The following TULP4 variants were observed in gnomAD, a reference collection of about 807,000 sequenced individuals.
The protein encoded by TULP4 is tubby-related protein 4.
In TULP4, 16 loss-of-function variants were observed where a neutral mutation model predicts 129.0. That is an observed-to-expected ratio of 0.12 (90% CI 0.08 to 0.19). TULP4 has a LOEUF of 0.19. Among genes scored for constraint, TULP4 ranks in the 10% least tolerant of loss-of-function variants. TULP4 has a pLI of 1.00. For missense variants in TULP4, 1,842 were observed against 2,059.1 expected, an observed-to-expected ratio of 0.89 and a Z score of 2.04; for synonymous variants, 998 against 854.0, an observed-to-expected ratio of 1.17 and a Z score of -2.94.
chr6:158,256,075 T>G (rs1262220056), intron 1 of TULP4, among the ~76,000 whole-genome samples: 1 of 152,178 alleles, frequency 6.6e-6, no homozygotes, highest in Non-Finnish European at 1.5e-5. Flanking sequence ...TTAAAGTAAC[T>G]CTCTAGTTAC....
At chr6:158,252,995 C>T (rs1778172461) in intron 1 of TULP4, among the ~76,000 whole-genome samples, 1 of 152,222 alleles carries the variant, frequency 6.6e-6, no homozygotes, top group South Asian at 2.1e-4. Flanking sequence ...GACGCATCTG[C>T]TCCATGAAGC....
intron 1 of TULP4, among the ~76,000 whole-genome samples, chr6:158,327,216 T>C (rs993852848): frequency 6.6e-6 from 1 of 152,238 alleles, no homozygotes; most frequent in African/African-American, 2.4e-5. Flanking sequence ...AGGTCCTTTA[T>C]ATGTGACCTA....
chr6:158,495,343 ACG>A (rs1186604146), intron 11 of TULP4, among the ~76,000 whole-genome samples: 8 of 152,152 alleles, frequency 5.3e-5, no homozygotes, highest in Non-Finnish European at 8.8e-5. Flanking sequence ...ATGAGCCATC[ACG>A]CCTGGTCGCC....
chr6:158,325,800 T>C (rs1003332219), intron 1 of TULP4, among the ~76,000 whole-genome samples: 3 of 152,298 alleles, frequency 2.0e-5, no homozygotes, highest in Middle Eastern at 3.4e-3. Context: ...ATACCAAAGC[T>C]CAGTAGTGTG....
intron 1 of TULP4, among the ~76,000 whole-genome samples, chr6:158,353,394 G>A (rs1339869559): frequency 6.6e-6 from 1 of 152,092 alleles, no homozygotes; most frequent in Non-Finnish European, 1.5e-5. Context: ...CTCCCAAATT[G>A]GTGTTTTGCA....
intron 1 of TULP4, among the ~76,000 whole-genome samples, chr6:158,396,096 C>T (rs530392197): frequency 6.6e-6 from 1 of 152,244 alleles, no homozygotes; most frequent in East Asian, 1.9e-4. Flanking sequence ...ATAGTTCCTG[C>T]TATTTTGAAT....
In TULP4 at chr6:158,479,540, G is replaced by A. The variant is rs565164937; in HGVS notation, c.1027-211G>A. On this transcript the variant is annotated intron_variant, in intron 6 of 13. Transcript: ENST00000367097. ...GGCCTTCTAAAATGCTGAGATGACAGCCTTATGCCACCATGCCCAGCCCTC... is the reference window on the plus strand; with the variant it reads ...GGCCTTCTAAAATGCTGAGATGACAACCTTATGCCACCATGCCCAGCCCTC... Among the ~76,000 whole-genome samples the A allele has an allele frequency of 2.6e-5, 4 of 152,200 alleles. No homozygotes were observed. In the East Asian group the frequency reaches 7.7e-4, roughly 29 times the overall value.
chr6:158,488,509 C>G (rs1780119771), intron 8 of TULP4, among the ~76,000 whole-genome samples: 1 of 152,126 alleles, frequency 6.6e-6, no homozygotes, highest in Non-Finnish European at 1.5e-5. Context: ...AGGAGCTTGC[C>G]AAGCTTTTCT....
At chr6:158,487,986 C>T (rs1387129518) in intron 8 of TULP4, among the ~76,000 whole-genome samples, 1 of 152,122 alleles carries the variant, frequency 6.6e-6, no homozygotes, top group Admixed American at 6.5e-5. Context: ...TAGTTATGGC[C>T]AAATGCAGTT....
rs1780722198 is a variant in TULP4, at chr6:158,510,805, A to G, written c.*4111A>G. 1 of 152,114 alleles carries G rather than the reference A, an allele frequency of 6.6e-6. No homozygotes were observed. Among genetic ancestry groups the G allele is most frequent in the South Asian group, 2.1e-4 (1 of 4,832 alleles). 9.4% of individuals were successfully genotyped at this position (152,114 alleles called of 1,614,324 possible). On this transcript the variant is annotated 3_prime_UTR_variant, in exon 14 of 14. Coordinates refer to ENST00000367097, the MANE Select transcript of TULP4 (RefSeq NM_020245.5). The stretch of plus-strand genomic sequence containing the variant: ...AACCACAGGAATATATACCTAGGTC[A>G]CCTCAAATTCCTGAGTGTGCTCTGC...
At chr6:158,425,555 T>C (rs1407425388) in intron 2 of TULP4, among the ~76,000 whole-genome samples, 1 of 149,216 alleles carries the variant, frequency 6.7e-6, no homozygotes. Context: ...GACGCAAGTG[T>C]AAAATGACGT....
In TULP4 at chr6:158,509,656, G is replaced by T. The variant is rs952591047; in HGVS notation, c.*2962G>T. On this transcript the variant is annotated 3_prime_UTR_variant, in exon 14 of 14. Coordinates refer to ENST00000367097, the MANE Select transcript of TULP4 (RefSeq NM_020245.5). ...TCCCCCAAAGGCGCTTTCCCCCGAT[G>T]GAGGCACAGGCTTCTGTCTCGGATG... The T allele has an allele frequency of 2.0e-5, 3 of 152,186 alleles. No individual in the cohort carries two copies. Among genetic ancestry groups the T allele is most frequent in the Admixed American group, 2.0e-4 (3 of 15,284 alleles). 9.4% of individuals were successfully genotyped at this position (152,186 alleles called of 1,614,324 possible).
At chr6:158,246,023 G>GGGTGTGTGTGTGTGTGTGTGTGT (rs113914160) in intron 1 of TULP4, among the ~76,000 whole-genome samples, 1 of 145,822 alleles carries the variant, frequency 6.9e-6, no homozygotes, top group South Asian at 2.2e-4. Flanking sequence ...ACCCCTTAGG[G>GGGTGTGTGTGTGTGTGTGTGTGT]GTGTGTGTGT....
chr6:158,467,527 C>T (rs1366785293), intron 6 of TULP4, among the ~76,000 whole-genome samples: 4 of 151,994 alleles, frequency 2.6e-5, no homozygotes, highest in South Asian at 2.1e-4. Flanking sequence ...GTGATCCACC[C>T]GCCTCAGCCT....
At chr6:158,232,306 G>A (rs1777611229) in intron 1 of TULP4, 1 of 148,258 alleles carries the variant, frequency 6.7e-6, no homozygotes, top group Admixed American at 6.7e-5. Flanking sequence ...GCCCGGAGGT[G>A]AGCGGGCGCG....
At chr6:158,475,839 C>T (rs1425791512) in intron 6 of TULP4, among the ~76,000 whole-genome samples, 1 of 152,212 alleles carries the variant, frequency 6.6e-6, no homozygotes, top group Non-Finnish European at 1.5e-5. Flanking sequence ...AACTACAGAA[C>T]ATTTGTAGCG....
Position 158,313,249 on chromosome 6 carries a change from G to C in TULP4, c.-768G>C, listed in dbSNP as rs752682872. 1.6e-5 allele frequency: 6 copies of C among 366,844 alleles called. No individual in the cohort carries two copies. Among genetic ancestry groups the C allele is most frequent in the African/African-American group, 6.3e-5 (3 of 48,000 alleles). The allele number at this position is 366,844 out of a possible 1,614,324, so 22.7% of individuals were successfully genotyped here. A position where few individuals can be genotyped will look rare whatever the true frequency, so the allele number is the denominator to read the frequency against. On this transcript the variant is annotated 5_prime_UTR_variant, in exon 1 of 14. Transcript: ENST00000367097. ...GCGCCGGCTGGTGGAGGAGCAGTCC[G>C]ATGGAGCCCTGCGTTCCCCGGGGAC...
intron 9 of TULP4, among the ~76,000 whole-genome samples, chr6:158,491,518 T>TAGGA (rs11281134): frequency 2.0e-5 from 3 of 149,148 alleles, no homozygotes; most frequent in East Asian, 2.0e-4. Flanking sequence ...CTTTCTTTCT[T>TAGGA]GTCTCGCTCT....
intron 1 of TULP4, among the ~76,000 whole-genome samples, chr6:158,346,697 T>C (rs963092425): frequency 3.9e-5 from 6 of 152,182 alleles, no homozygotes; most frequent in Non-Finnish European, 7.3e-5. Context: ...TTAGGCAGAG[T>C]ATTTAATGAT....
Sources: allele counts gnomAD v4.1 joint callset (sites outside exome capture counted in the v4.1 genomes callset), GRCh38; gene constraint gnomAD v4.1.1; transcripts MANE v1.5; gene names NCBI Gene and HGNC (gene_info 2026-07-23, HGNC 2026-07-21).